Variants in RABGEF1 observed in about 807,000 individuals in gnomAD.
RABGEF1 encodes rab5 GDP/GTP exchange factor.
A neutral mutation model predicts 57.3 loss-of-function variants in RABGEF1; 26 were observed. The observed-to-expected ratio is 0.45, with a 90% CI of 0.33 to 0.63. The LOEUF (loss-of-function observed/expected upper bound fraction) is 0.63, where lower values mean the gene tolerates loss of function less well. RABGEF1 is among the 20% of genes least tolerant of loss of function. The pLI is 0.02. For missense variants in RABGEF1, 464 were observed against 607.6 expected (o/e 0.76, Z 2.48); for synonymous variants, 185 against 210.7 (o/e 0.88, Z 1.06).
intron 1 of RABGEF1, among the ~76,000 whole-genome samples, chr7:66,758,385 A>G (rs1214077456): frequency 2.6e-5 from 4 of 152,226 alleles, no homozygotes; most frequent in Admixed American, 6.5e-5. Flanking sequence ...CTGTCCCAGC[A>G]GCAGAGATCA....
chr7:66,757,716 ATTCTCCT>A (rs1402301208), intron 1 of RABGEF1, among the ~76,000 whole-genome samples: 2 of 152,256 alleles, frequency 1.3e-5, no homozygotes, highest in African/African-American at 4.8e-5. Flanking sequence ...GGTTCATGCC[ATTCTCCT>A]GCCTCAGCCT....
chr7:66,760,213 A>G (rs1350748572), intron 1 of RABGEF1, among the ~76,000 whole-genome samples: 1 of 152,168 alleles, frequency 6.6e-6, no homozygotes. Flanking sequence ...CTTAACCTGG[A>G]AAAAGCACTA....
In RABGEF1 at chr7:66,721,198, C is replaced by T. The variant is rs1796015167; in HGVS notation, c.-815+8974C>T. 2.0e-5 allele frequency among the ~76,000 whole-genome samples: 3 copies of T among 152,162 alleles called. 1 individual carries two copies. In the South Asian group the frequency reaches 6.2e-4, roughly 32 times the overall value. The stretch of plus-strand genomic sequence containing the variant: ...CCTCCCAAAGTGCTGGGATTACAGG[C>T]ATGAGCCACTGTGCCCGGCCAAAAG... On this transcript the variant is annotated intron_variant and NMD_transcript_variant, in intron 2 of 9. Transcript: ENST00000607882.
At chr7:66,658,512 A>G in the RABGEF1 span, among the ~76,000 whole-genome samples, 1 of 150,586 alleles carries the variant, frequency 6.6e-6, no homozygotes, top group Non-Finnish European at 1.5e-5. Flanking sequence ...AGCCTGGGGG[A>G]CAAGAGTGAG....
At chr7:66,720,343 A>G (rs987438471) in intron 2 of RABGEF1, among the ~76,000 whole-genome samples, 1 of 151,540 alleles carries the variant, frequency 6.6e-6, no homozygotes, top group Non-Finnish European at 1.5e-5. Context: ...GACTACAGGC[A>G]TGCACCACCA....
intron 1 of RABGEF1, among the ~76,000 whole-genome samples, chr7:66,750,032 C>G (rs1421629931): frequency 2.0e-5 from 3 of 152,126 alleles, no homozygotes; most frequent in African/African-American, 7.2e-5. Flanking sequence ...TTTATCATAA[C>G]TGGTGTCTCA....
chr7:66,778,416 T>C (rs1472540476), intron 3 of RABGEF1, among the ~76,000 whole-genome samples: 4 of 152,244 alleles, frequency 2.6e-5, no homozygotes, highest in African/African-American at 4.8e-5. Flanking sequence ...TTTTAGTCTC[T>C]ACAGTCAGGG....
intron 1 of RABGEF1, among the ~76,000 whole-genome samples, chr7:66,707,361 T>G (rs77634049): frequency 6.7e-6 from 1 of 148,488 alleles, no homozygotes; most frequent in Non-Finnish European, 1.5e-5. Flanking sequence ...ATACATTCTG[T>G]TTTTTTTCTG....
chr7:66,690,388 C>T (rs1041637617), intron 1 of RABGEF1, among the ~76,000 whole-genome samples: 5 of 149,770 alleles, frequency 3.3e-5, no homozygotes, highest in African/African-American at 7.3e-5. Context: ...CGTGAGCCAT[C>T]GCGCCCGGCC....
At position 66,806,386 on chromosome 7, in the gene RABGEF1, G is replaced by A. The variant is rs183978023; in HGVS notation, c.1077+990G>A. On this transcript the variant is annotated intron_variant, in intron 8 of 8. Coordinates refer to ENST00000284957, the MANE Select transcript of RABGEF1 (RefSeq NM_014504.3). ...GGTTCCCAAAATTGTATAAGCTTCA[G>A]GTTCCTCCAAACTTGGACCTGCCCC... Among the ~76,000 whole-genome samples the A allele has an allele frequency of 9.2e-5, 14 of 152,150 alleles. No homozygotes were observed. The East Asian group carries it at 2.5e-3, about 27-fold the overall frequency.
chr7:66,796,790 C>G (rs1001852050), intron 5 of RABGEF1: 87 of 348,216 alleles, frequency 2.5e-4, no homozygotes, highest in African/African-American at 1.9e-3. Context: ...GAGATTTCAC[C>G]ATGTTGGCCA....
intron 1 of RABGEF1, among the ~76,000 whole-genome samples, chr7:66,742,150 CAA>C (rs3069894): frequency 6.7e-6 from 1 of 148,790 alleles, no homozygotes; most frequent in African/African-American, 2.5e-5. Context: ...GACTCTATCT[CAA>C]AAAAAAAACT....
intron 7 of RABGEF1, among the ~76,000 whole-genome samples, chr7:66,802,013 G>C (rs371038122): frequency 6.6e-5 from 10 of 152,166 alleles, no homozygotes; most frequent in South Asian, 4.1e-4. Context: ...AGGCTCAAGC[G>C]ATCCGTCCGC....
At chr7:66,725,558 T>C (rs1796496107) in intron 2 of RABGEF1, among the ~76,000 whole-genome samples, 1 of 152,224 alleles carries the variant, frequency 6.6e-6, no homozygotes, top group East Asian at 1.9e-4. Context: ...ATAGTATGGC[T>C]ATAGTGAGTT....
chr7:66,729,167 G>A (rs995858415), intron 2 of RABGEF1, among the ~76,000 whole-genome samples: 11 of 151,660 alleles, frequency 7.3e-5, no homozygotes, highest in Non-Finnish European at 1.3e-4. Context: ...AGCCAGGATT[G>A]TCTCGATCTC....
At chr7:66,732,936 C>T (rs1267142332) in intron 2 of RABGEF1, among the ~76,000 whole-genome samples, 3 of 152,184 alleles carry the variant, frequency 2.0e-5, no homozygotes, top group Admixed American at 6.5e-5. Flanking sequence ...CTAAACTTCT[C>T]GGCAGTCAGG....
chr7:66,661,298 C>CAAAAAA, the RABGEF1 span, among the ~76,000 whole-genome samples: 6,582 of 77,116 alleles, frequency 0.085, 812 homozygotes, highest in Non-Finnish European at 0.1. Context: ...GACTCCATCT[C>CAAAAAA]AAAAAAAAAA....
At chr7:66,707,590 A>T (rs1347605470) in intron 1 of RABGEF1, among the ~76,000 whole-genome samples, 1 of 152,170 alleles carries the variant, frequency 6.6e-6, no homozygotes, top group African/African-American at 2.4e-5. Flanking sequence ...CGGGAGGCTG[A>T]GGCAGGAAAA....
rs530791061 is a variant in RABGEF1 at position 66,741,886 on chromosome 7, C to T, written c.-18+1094C>T. Among the ~76,000 whole-genome samples the T allele has an allele frequency of 3.4e-3, 523 of 151,978 alleles. 3 individuals carry two copies. Among genetic ancestry groups the T allele is most frequent in the African/African-American group, 0.012 (495 of 41,462 alleles). ...GGTGCGGTGGCTCACGTCTGTAATC[C>T]CAGCATTTGGAAGGCCAAGGCAGGC... On this transcript the variant is annotated intron_variant, in intron 1 of 8. Transcript: ENST00000284957.
Sources: allele counts gnomAD v4.1 joint callset (sites outside exome capture counted in the v4.1 genomes callset), GRCh38; gene constraint gnomAD v4.1.1; transcripts MANE v1.5; gene names NCBI Gene and HGNC (gene_info 2026-07-23, HGNC 2026-07-21).